PRIM2: variants seen among roughly 807,000 people sequenced by gnomAD.
The protein encoded by PRIM2 is DNA primase large subunit.
PRIM2 carries 39 observed loss-of-function variants against 67.3 expected under a neutral mutation model. The observed-to-expected ratio is 0.58, with a 90% CI of 0.45 to 0.76. The LOEUF (loss-of-function observed/expected upper bound fraction) is 0.76, where lower values mean the gene tolerates loss of function less well. Among genes scored for constraint, PRIM2 ranks in the 30% least tolerant of loss-of-function variants. The pLI, the probability that PRIM2 is intolerant of heterozygous loss-of-function variation, is 0.00. For missense variants in PRIM2, 398 were observed against 598.7 expected, an observed-to-expected ratio of 0.66 and a Z score of 3.50; for synonymous variants, 143 against 198.7, an observed-to-expected ratio of 0.72 and a Z score of 2.36.
At chr6:57,582,079 C>T (rs1311153394) in intron 10 of PRIM2, among the ~76,000 whole-genome samples, 16 of 152,318 alleles carry the variant, frequency 1.1e-4, no homozygotes, top group African/African-American at 3.8e-4. Context: ...CCTGCCTCAG[C>T]CTCCCAAAGT....
chr6:57,235,787 G>A, the PRIM2 span, among the ~76,000 whole-genome samples: 1 of 152,162 alleles, frequency 6.6e-6, no homozygotes, highest in African/African-American at 2.4e-5. Context: ...AGCCAAAAAA[G>A]TAGATGTGAC....
intron 5 of PRIM2, among the ~76,000 whole-genome samples, chr6:57,332,350 G>T (rs914845469): frequency 2.6e-5 from 4 of 152,114 alleles, no homozygotes; most frequent in African/African-American, 9.7e-5. Context: ...GCTATTCTTG[G>T]TTGGAGTGTT....
At chr6:57,435,909 T>C (rs539240210) in intron 7 of PRIM2, among the ~76,000 whole-genome samples, 1 of 152,320 alleles carries the variant, frequency 6.6e-6, no homozygotes, top group Admixed American at 6.5e-5. Flanking sequence ...TTGAGTGTAG[T>C]CACTGATCAT....
intron 5 of PRIM2, among the ~76,000 whole-genome samples, chr6:57,340,247 C>G (rs989901334): frequency 1.3e-5 from 2 of 152,206 alleles, no homozygotes; most frequent in Admixed American, 6.5e-5. Flanking sequence ...AACACTTTTA[C>G]ACAGTTGGTG....
intron 8 of PRIM2, among the ~76,000 whole-genome samples, chr6:57,528,888 T>C (rs1481765985): frequency 1.3e-5 from 2 of 152,224 alleles, no homozygotes; most frequent in South Asian, 2.1e-4. Context: ...GATACATTAT[T>C]TCATTTGATT....
At chr6:57,254,322 T>A in the PRIM2 span, among the ~76,000 whole-genome samples, 1 of 152,222 alleles carries the variant, frequency 6.6e-6, no homozygotes, top group African/African-American at 2.4e-5. Context: ...TGGAAGATAT[T>A]ATGGCAACAA....
intron 8 of PRIM2, among the ~76,000 whole-genome samples, chr6:57,515,275 G>A (rs1353771695): frequency 1.3e-5 from 2 of 152,096 alleles, no homozygotes; most frequent in Non-Finnish European, 2.9e-5. Context: ...ATAAACCTGT[G>A]GCAAAAAATT....
chr6:57,248,829 A>T, the PRIM2 span, among the ~76,000 whole-genome samples: 569 of 152,348 alleles, frequency 3.7e-3, 1 homozygote, highest in African/African-American at 0.013. Flanking sequence ...TCCAGACCCT[A>T]TTCTCCTGCC....
At chr6:57,555,069 A>G (rs1775484378) in intron 10 of PRIM2, among the ~76,000 whole-genome samples, 1 of 152,150 alleles carries the variant, frequency 6.6e-6, no homozygotes, top group African/African-American at 2.4e-5. Context: ...AGGGGATATA[A>G]TATTTTGTTG....
intron 12 of PRIM2, among the ~76,000 whole-genome samples, chr6:57,622,687 G>A (rs1390778604): frequency 1.3e-5 from 2 of 151,720 alleles, no homozygotes; most frequent in East Asian, 1.9e-4. Flanking sequence ...AATCTAATTG[G>A]TGCTTCTAAG....
intron 12 of PRIM2, among the ~76,000 whole-genome samples, chr6:57,614,386 G>C (rs1776717455): frequency 6.6e-6 from 1 of 152,032 alleles, no homozygotes; most frequent in Non-Finnish European, 1.5e-5. Flanking sequence ...TTGAAAAAAT[G>C]GTCTGAAGTA....
intron 5 of PRIM2, among the ~76,000 whole-genome samples, chr6:57,370,872 A>G (rs1476235985): frequency 6.6e-6 from 1 of 151,828 alleles, no homozygotes; most frequent in Non-Finnish European, 1.5e-5. Context: ...TAATTTTTGT[A>G]TTTTTAGTAA....
intron 7 of PRIM2, among the ~76,000 whole-genome samples, chr6:57,474,072 A>T (rs1773405673): frequency 1.3e-5 from 2 of 151,880 alleles, no homozygotes; most frequent in South Asian, 4.2e-4. Flanking sequence ...TTTTTTAAGG[A>T]AAGGAAGCAT....
intron 7 of PRIM2, among the ~76,000 whole-genome samples, chr6:57,391,683 G>GCTTA (rs1047447242): frequency 6.6e-5 from 10 of 151,914 alleles, no homozygotes; most frequent in Admixed American, 1.3e-4. Context: ...AGGTGTGTGG[G>GCTTA]CTTATTGCTG....
intron 8 of PRIM2, among the ~76,000 whole-genome samples, chr6:57,529,301 G>A (rs1305670620): frequency 6.6e-6 from 1 of 151,014 alleles, no homozygotes; most frequent in Non-Finnish European, 1.5e-5. Context: ...CAGACAGAGC[G>A]AGACTCCGTC....
At chr6:57,239,046 A>G in the PRIM2 span, among the ~76,000 whole-genome samples, 1 of 151,900 alleles carries the variant, frequency 6.6e-6, no homozygotes, top group Admixed American at 6.6e-5. Context: ...GCTGGAGTAC[A>G]GTGGCATGAT....
intron 7 of PRIM2, among the ~76,000 whole-genome samples, chr6:57,431,987 G>A (rs1771846317): frequency 6.6e-6 from 1 of 151,994 alleles, no homozygotes; most frequent in Non-Finnish European, 1.5e-5. Context: ...GCAACATTTG[G>A]GTCTAATGTA....
At chr6:57,302,840 A>T in the PRIM2 span, among the ~76,000 whole-genome samples, 1 of 152,218 alleles carries the variant, frequency 6.6e-6, no homozygotes, top group African/African-American at 2.4e-5. Context: ...ATCGTTTTCT[A>T]AGATTTCTAA....
Position 57,543,814 on chromosome 6 carries a change from G to A in PRIM2, c.1020+6189G>A, listed in dbSNP as rs1424803615. Among the ~76,000 whole-genome samples the A allele has an allele frequency of 1.7e-4, 26 of 151,910 alleles. 1 individual carries two copies. The highest frequency in any genetic ancestry group is 5.2e-4 in the Admixed American group (8 of 15,264). ...ACTTAATGTTGGAGGGGAATGTGTTGTCTGTATTCTAAAATAATTTACACC... is the reference window on the plus strand; with the variant it reads ...ACTTAATGTTGGAGGGGAATGTGTTATCTGTATTCTAAAATAATTTACACC... On this transcript the variant is annotated intron_variant, in intron 10 of 13. Transcript: ENST00000615550.
Sources: gnomAD v4.1 joint callset for allele counts (sites outside exome capture counted in the v4.1 genomes callset) on GRCh38, gnomAD v4.1.1 for gene constraint, MANE v1.5 for transcripts, NCBI Gene and HGNC (gene_info 2026-07-23, HGNC 2026-07-21) for gene names.